ADGRB1: variants seen among roughly 807,000 people sequenced by gnomAD.
ADGRB1 encodes the protein brain-specific angiogenesis inhibitor 1.
In ADGRB1, 36 loss-of-function variants were observed where a neutral mutation model predicts 175.7. The observed-to-expected ratio is 0.20, with a 90% CI of 0.16 to 0.27. The LOEUF (loss-of-function observed/expected upper bound fraction) is 0.27. Ranked by LOEUF, ADGRB1 falls within the 10% of genes least tolerant of loss-of-function variation. The pLI is 1.00. For synonymous variants in ADGRB1, 1,054 were observed against 979.4 expected (o/e 1.08, Z -1.42); for missense variants, 1,731 against 2,255.3 (o/e 0.77, Z 4.71).
intron 2 of ADGRB1, among the ~76,000 whole-genome samples, chr8:142,470,061 C>T (rs372041410): frequency 1.1e-4 from 16 of 152,224 alleles, no homozygotes; most frequent in East Asian, 5.8e-4. Context: ...CCCTGCCCCC[C>T]GCACGGCCTG....
At chr8:142,508,161 C>G (rs997557363) in intron 17 of ADGRB1, among the ~76,000 whole-genome samples, 5 of 152,146 alleles carry the variant, frequency 3.3e-5, no homozygotes, top group East Asian at 1.9e-4. Flanking sequence ...AGACCCATCC[C>G]AAGCCAGGAA....
chr8:142,461,188 G>A (rs1839951494), intron 1 of ADGRB1, among the ~76,000 whole-genome samples: 1 of 152,208 alleles, frequency 6.6e-6, no homozygotes, highest in African/African-American at 2.4e-5. Context: ...TGACCCGCAG[G>A]CCTGAGCTGC....
intron 18 of ADGRB1, among the ~76,000 whole-genome samples, chr8:142,516,155 T>TGTGCGTGTGTGGGAGCCCCAGGTGC (rs1170121244): frequency 4.7e-5 from 7 of 150,100 alleles, no homozygotes; most frequent in Non-Finnish European, 7.4e-5. Context: ...GGGCCCCAGG[T>TGTGCGTGTGTGGGAGCCCCAGGTGC]GTGCGTGTGT....
chr8:142,500,712 G>A (rs549292095), intron 17 of ADGRB1, among the ~76,000 whole-genome samples: 14 of 152,254 alleles, frequency 9.2e-5, no homozygotes, highest in Admixed American at 9.1e-4. Flanking sequence ...TGGGAAGGCA[G>A]GATATGAGGT....
chr8:142,521,504 A>G (rs999943786), intron 20 of ADGRB1, among the ~76,000 whole-genome samples: 5 of 152,230 alleles, frequency 3.3e-5, no homozygotes, highest in African/African-American at 1.2e-4. Context: ...AAATAAAGCA[A>G]GAGGGCCCGC....
At chr8:142,450,564 G>C (rs1839286009) in intron 1 of ADGRB1, among the ~76,000 whole-genome samples, 1 of 151,924 alleles carries the variant, frequency 6.6e-6, no homozygotes, top group Non-Finnish European at 1.5e-5. Context: ...AGCAGGCTCC[G>C]GAGAGCCCCC....
intron 2 of ADGRB1, among the ~76,000 whole-genome samples, chr8:142,470,871 T>C (rs1840624251): frequency 6.6e-6 from 1 of 152,108 alleles, no homozygotes; most frequent in Admixed American, 6.5e-5. Flanking sequence ...TGGAGGCTGT[T>C]GGAGACACAG....
chr8:142,536,860 C>T (rs920612456), intron 25 of ADGRB1, 127 bp from the exon 26 acceptor site: 9 of 680,472 alleles, frequency 1.3e-5, no homozygotes, highest in Non-Finnish European at 7.0e-6. Context: ...TGTGGGGAGG[C>T]CTCCTGCTGA....
rs562562122 is a variant in ADGRB1, at chr8:142,528,019, G to A, written c.3398+1392G>A. On this transcript the variant is annotated intron_variant, in intron 24 of 30. Transcript: ENST00000517894. The stretch of plus-strand genomic sequence containing the variant: ...CGTTAGGTGCACACAGCCCAGGAGC[G>A]CACCCAGACTCGCCTGTGTGGCCGT... 5.4e-4 allele frequency among the ~76,000 whole-genome samples: 82 copies of A among 152,290 alleles called. 1 individual carries two copies. The highest frequency in any genetic ancestry group is 9.7e-4 in the Non-Finnish European group (66 of 68,020).
rs768226454 is a variant in ADGRB1 at position 142,481,673 on chromosome 8, C to T, written c.2092C>T (p.Arg698Trp). 4.4e-6 allele frequency: 7 copies of T among 1,603,450 alleles called. No individual in the cohort carries two copies. Among genetic ancestry groups the T allele is most frequent in the South Asian group, 2.2e-5 (2 of 89,628 alleles). The change falls in exon 11 of 31, where the codon CGG becomes TGG. Residue 698 changes from arginine to tryptophan, a missense_variant. Transcript: ENST00000517894. ...CCTGAGGAACATGACAGAGATTTTC[C>T]GGAGAGCGTACTACAGCCCCACCCC... ...DVLRNMTEIF[R>W]RAYYSPTPGD...
chr8:142,483,228 A>G (rs1325540666), intron 11 of ADGRB1, among the ~76,000 whole-genome samples: 3 of 141,766 alleles, frequency 2.1e-5, no homozygotes, highest in Admixed American at 2.1e-4. Context: ...CCCTGGTCGC[A>G]CTGAGCCCTG....
chr8:142,516,190 TGGGGGCCCCAG>T lies in ADGRB1; in HGVS notation c.2818-1946_2818-1936del, dbSNP rs1230858820. Among the ~76,000 whole-genome samples the T allele has an allele frequency of 1.3e-3, 191 of 149,644 alleles. 1 individual carries two copies. The highest frequency in any genetic ancestry group is 4.6e-3 in the African/African-American group (185 of 40,314). On this transcript the variant is annotated intron_variant, in intron 18 of 30. Coordinates refer to ENST00000517894, the MANE Select transcript of ADGRB1 (RefSeq NM_001702.3). ...TGGGAGCCCCAGGTGCGTGCGTGTG[TGGGGGCCCCAG>T]GTGCATGCGTGTGTGCGGGCCCCAG...
Position 142,489,084 on chromosome 8 carries a change from C to A in ADGRB1, c.2502C>A (p.Asn834Lys). Reference sequence around the variant, plus strand: ...TGGTGGGCACCGTGCTCTACAGGAACCTGGGCAGCTTCCTGGCCCTGCAGA... The same window carrying A: ...TGGTGGGCACCGTGCTCTACAGGAAACTGGGCAGCTTCCTGGCCCTGCAGA... ...VFVVGTVLYRNLGSFLALQRN... is the reference protein window; with the variant it reads ...VFVVGTVLYRKLGSFLALQRN... The change falls in exon 15 of 31, where the codon AAC (asparagine) becomes AAA (lysine). Residue 834 changes from asparagine to lysine, a missense_variant. Around this residue, in one of 8 missense-constraint regions of ADGRB1, gnomAD observed 388 missense variants for 630.9 expected, o/e 0.61. Transcript: ENST00000517894. 1 of 1,610,570 alleles carries A rather than the reference C, an allele frequency of 6.2e-7. No individual in the cohort carries two copies.
rs1025497652 is a variant in ADGRB1, at chr8:142,544,499, G to A, written c.*82G>A. ...TCCTGCCGCAGACGGGCACAGACAC[G>A]CTCGCGGGCAGCGGGCCAGGCCCGC... On this transcript the variant is annotated 3_prime_UTR_variant, in exon 31 of 31. Coordinates refer to ENST00000517894, the MANE Select transcript of ADGRB1 (RefSeq NM_001702.3). The A allele has an allele frequency of 4.4e-5, 61 of 1,388,080 alleles. No individual in the cohort carries two copies. The highest frequency in any genetic ancestry group is 3.7e-4 in the East Asian group (13 of 35,072). The allele number at this position is 1,388,080 out of a possible 1,614,324, so 86.0% of individuals were successfully genotyped here.
chr8:142,461,758 T>G (rs1053084789), intron 1 of ADGRB1, among the ~76,000 whole-genome samples: 2 of 152,110 alleles, frequency 1.3e-5, no homozygotes, highest in African/African-American at 4.8e-5. Context: ...TGACACCAAC[T>G]CGGGGTCAGG....
At chr8:142,520,654 G>A (rs1238641639) in intron 19 of ADGRB1, among the ~76,000 whole-genome samples, 169 bp from the exon 20 acceptor site, 1 of 151,600 alleles carries the variant, frequency 6.6e-6, no homozygotes, top group Admixed American at 6.6e-5. Context: ...GATGATGATG[G>A]TGTAATGGTG....
Position 142,544,507 on chromosome 8 carries a change from G to C in ADGRB1, c.*90G>C. On this transcript the variant is annotated 3_prime_UTR_variant, in exon 31 of 31. Transcript: ENST00000517894. ...CAGACGGGCACAGACACGCTCGCGG[G>C]CAGCGGGCCAGGCCCGCACCCCGGC... 4 of 1,373,366 alleles carry C rather than the reference G, an allele frequency of 2.9e-6. No individual in the cohort carries two copies. The highest frequency in any genetic ancestry group is 3.8e-6 in the Non-Finnish European group (4 of 1,060,658). 85.1% of individuals were successfully genotyped at this position (1,373,366 alleles called of 1,614,324 possible).
Position 142,476,605 on chromosome 8 carries a change from C to T in ADGRB1, c.967C>T (p.Arg323Trp), listed in dbSNP as rs543210793. 4.1e-5 allele frequency: 63 copies of T among 1,548,672 alleles called. No homozygotes were observed. The highest frequency in any genetic ancestry group is 5.1e-5 in the Non-Finnish European group (59 of 1,146,488). The change falls in exon 4 of 31, where the codon CGG (arginine) becomes TGG (tryptophan). Residue 323 changes from arginine to tryptophan, a missense_variant. Physicochemically the swap from Arg to Trp is moderately radical, Grantham distance 101. Coordinates refer to ENST00000517894, the MANE Select transcript of ADGRB1 (RefSeq NM_001702.3). ...ACGPAGRTSS[R>W]SQSLRSTDAR... ...TGCAGCCGCTGGGCGCACCAGCTCCCGGAGCCAGTCCCTGCGGTCCACAGA... is the reference window on the plus strand; with the variant it reads ...TGCAGCCGCTGGGCGCACCAGCTCCTGGAGCCAGTCCCTGCGGTCCACAGA...
At chr8:142,502,321 GGGTAGT>G (rs1385175108) in intron 17 of ADGRB1, among the ~76,000 whole-genome samples, 1 of 109,316 alleles carries the variant, frequency 9.1e-6, no homozygotes, top group African/African-American at 3.4e-5. Context: ...GGTGATGGTG[GGGTAGT>G]GATGGTGATG....
Sources: allele counts gnomAD v4.1 joint callset (sites outside exome capture counted in the v4.1 genomes callset), GRCh38; gene constraint gnomAD v4.1.1; regional missense constraint gnomAD v4.1.1; transcripts MANE v1.5; gene names NCBI Gene and HGNC (gene_info 2026-07-23, HGNC 2026-07-21).